The following GAB2 variants were observed in gnomAD, a reference collection of about 807,000 sequenced individuals.
GAB2 encodes the protein GRB2-associated-binding protein 2.
A neutral mutation model predicts 65.5 loss-of-function variants in GAB2; 26 were observed. The observed-to-expected ratio is 0.40, with a 90% CI of 0.29 to 0.55. The LOEUF (loss-of-function observed/expected upper bound fraction) is 0.55, where lower values mean the gene tolerates loss of function less well. Among genes scored for constraint, GAB2 ranks in the 20% least tolerant of loss-of-function variants. GAB2 has a pLI of 0.53. For missense variants in GAB2, 884 were observed against 875.8 expected, an observed-to-expected ratio of 1.01 and a Z score of -0.12; for synonymous variants, 321 against 329.6, an observed-to-expected ratio of 0.97 and a Z score of 0.28.
intron 1 of GAB2, among the ~76,000 whole-genome samples, chr11:78,386,647 C>T (rs1312455680): frequency 6.6e-6 from 1 of 152,148 alleles, no homozygotes; most frequent in Non-Finnish European, 1.5e-5. Context: ...GGAGGTTTTC[C>T]AAAACTGATT....
At chr11:78,387,261 A>G (rs963272113) in intron 1 of GAB2, among the ~76,000 whole-genome samples, 6 of 151,064 alleles carry the variant, frequency 4.0e-5, no homozygotes, top group African/African-American at 1.5e-4. Context: ...GGCTCCAACT[A>G]CTCCTTATCT....
At chr11:78,322,366 T>C (rs1475630727) in intron 1 of GAB2, among the ~76,000 whole-genome samples, 1 of 127,286 alleles carries the variant, frequency 7.9e-6, no homozygotes, top group Non-Finnish European at 1.7e-5. Context: ...GAATAAAATC[T>C]AGAAAATACC....
intron 2 of GAB2, among the ~76,000 whole-genome samples, chr11:78,269,739 A>G (rs1224554763): frequency 2.0e-5 from 3 of 152,244 alleles, no homozygotes; most frequent in African/African-American, 7.2e-5. Flanking sequence ...AAATATTTAA[A>G]GGGGACAGTC....
chr11:78,272,099 CTCTT>C (rs1283439377), intron 2 of GAB2, among the ~76,000 whole-genome samples: 2 of 152,216 alleles, frequency 1.3e-5, no homozygotes, highest in Non-Finnish European at 2.9e-5. Context: ...ATGTCTCTCT[CTCTT>C]TTATTTTTTG....
intron 1 of GAB2, among the ~76,000 whole-genome samples, chr11:78,288,659 C>T (rs1018606853): frequency 6.6e-6 from 1 of 152,020 alleles, no homozygotes; most frequent in African/African-American, 2.4e-5. Flanking sequence ...AAAAGCTATA[C>T]AAAGCTAATG....
chr11:78,303,496 C>A (rs1356800706), intron 1 of GAB2, among the ~76,000 whole-genome samples: 2 of 152,134 alleles, frequency 1.3e-5, no homozygotes, highest in Admixed American at 1.3e-4. Flanking sequence ...AGGCCTATTT[C>A]TAGACTTCCT....
chr11:78,301,920 G>A (rs1219780214), intron 1 of GAB2, among the ~76,000 whole-genome samples: 5 of 151,966 alleles, frequency 3.3e-5, no homozygotes, highest in African/African-American at 7.2e-5. Context: ...TCAACAAAGC[G>A]AACAAAAACA....
At chr11:78,271,786 A>G (rs562001085) in intron 2 of GAB2, among the ~76,000 whole-genome samples, 35 of 152,328 alleles carry the variant, frequency 2.3e-4, no homozygotes, top group African/African-American at 8.4e-4. Context: ...TGAGCCCAGG[A>G]GTTTAAGACA....
intron 3 of GAB2, among the ~76,000 whole-genome samples, chr11:78,241,234 C>T (rs1307191286): frequency 5.3e-5 from 8 of 152,194 alleles, no homozygotes; most frequent in African/African-American, 1.7e-4. Context: ...GGAGACTATA[C>T]CATTGCACCT....
intron 1 of GAB2, among the ~76,000 whole-genome samples, chr11:78,366,759 C>T (rs1047310316): frequency 6.7e-6 from 1 of 148,290 alleles, no homozygotes; most frequent in African/African-American, 2.5e-5. Context: ...TATTCCCCAT[C>T]CAGACTATGA....
At chr11:78,297,647 G>A (rs4945264) in intron 1 of GAB2, among the ~76,000 whole-genome samples, 1 of 152,054 alleles carries the variant, frequency 6.6e-6, no homozygotes, top group Non-Finnish European at 1.5e-5. Flanking sequence ...CTGGAACACA[G>A]TAAACAAAGG....
chr11:78,278,607 G>GGCCTCAGGTGATCTGCCT (rs1178010668), intron 2 of GAB2, among the ~76,000 whole-genome samples: 1 of 151,686 alleles, frequency 6.6e-6, no homozygotes, highest in Non-Finnish European at 1.5e-5. Flanking sequence ...TCGAACTCCA[G>GGCCTCAGGTGATCTGCCT]GCCTCAGGTG....
At chr11:78,384,641 AG>A in intron 1 of GAB2, among the ~76,000 whole-genome samples, 1 of 152,284 alleles carries the variant, frequency 6.6e-6, no homozygotes, top group Non-Finnish European at 1.5e-5. Flanking sequence ...GAGCTGGGAG[AG>A]GAGGCAGTGC....
At chr11:78,241,648 T>G (rs1865138366) in intron 3 of GAB2, among the ~76,000 whole-genome samples, 1 of 149,804 alleles carries the variant, frequency 6.7e-6, no homozygotes, top group African/African-American at 2.4e-5. Context: ...GCTGAAGAAT[T>G]CAATGAATGA....
Position 78,370,717 on chromosome 11 carries a change from G to GTA in GAB2, c.75+46928_75+46929insTA, listed in dbSNP as rs1565176056. On this transcript the variant is annotated intron_variant, in intron 1 of 9. Transcript: ENST00000361507. ...TAATATTGTATGTGTGTGTGCGTGT[G>GTA]TGTGTGTATGTGTGTGTGTGTGTGT... 1.4e-4 allele frequency among the ~76,000 whole-genome samples: 21 copies of GTA among 145,472 alleles called. 1 individual carries two copies. Among genetic ancestry groups the GTA allele is most frequent in the African/African-American group, 5.7e-4 (21 of 36,522 alleles).
At position 78,319,871 on chromosome 11, in the gene GAB2, C is replaced by CTTT. The variant is rs59307063; in HGVS notation, c.76-38973_76-38971dup. On this transcript the variant is annotated intron_variant, in intron 1 of 9. Coordinates refer to ENST00000361507, the MANE Select transcript of GAB2 (RefSeq NM_080491.3). Reference sequence around the variant, plus strand: ...TCTGGCAGAGATATAAAGAAACAGACTTTTTTTTTTTTTTGAGACCGAGTC... The same window carrying CTTT: ...TCTGGCAGAGATATAAAGAAACAGACTTTTTTTTTTTTTTTTTGAGACCGAGTC... 6.0e-4 allele frequency among the ~76,000 whole-genome samples: 87 copies of CTTT among 145,778 alleles called. 1 individual carries two copies. Among genetic ancestry groups the CTTT allele is most frequent in the South Asian group, 8.7e-4 (4 of 4,592 alleles).
chr11:78,326,424 C>G (rs1291751496), intron 1 of GAB2, among the ~76,000 whole-genome samples: 1 of 152,124 alleles, frequency 6.6e-6, no homozygotes, highest in Admixed American at 6.5e-5. Flanking sequence ...AAATGACATA[C>G]AGTGGTTGCA....
intron 2 of GAB2, among the ~76,000 whole-genome samples, chr11:78,276,772 A>T (rs1017238387): frequency 6.6e-6 from 1 of 152,190 alleles, no homozygotes; most frequent in Non-Finnish European, 1.5e-5. Context: ...CAGTAAAAGG[A>T]TTCAGACAAT....
At chr11:78,365,090 G>T (rs937571138) in intron 1 of GAB2, among the ~76,000 whole-genome samples, 44 of 152,234 alleles carry the variant, frequency 2.9e-4, no homozygotes, top group African/African-American at 1.1e-3. Flanking sequence ...TCACCCCAAG[G>T]TGATAGCAAC....
Sources: allele counts gnomAD v4.1 joint callset (sites outside exome capture counted in the v4.1 genomes callset), GRCh38; gene constraint gnomAD v4.1.1; transcripts MANE v1.5; gene names NCBI Gene and HGNC (gene_info 2026-07-23, HGNC 2026-07-21).